ELAVL4: variants seen among roughly 807,000 people sequenced by gnomAD.
The protein encoded by ELAVL4 is ELAV like RNA binding protein 4.
A neutral mutation model predicts 35.6 loss-of-function variants in ELAVL4; 1 was observed. The observed-to-expected ratio is 0.03, with a 90% confidence interval of 0.01 to 0.13. The LOEUF is 0.13. Among genes scored for constraint, ELAVL4 ranks in the 10% least tolerant of loss-of-function variants. ELAVL4 has a pLI of 1.00. For missense variants in ELAVL4, 267 were observed against 464.9 expected (o/e 0.57, Z 3.91); for synonymous variants, 156 against 171.0 (o/e 0.91, Z 0.69).
At chr1:50,184,913 T>G (rs1028543471) in intron 3 of ELAVL4, among the ~76,000 whole-genome samples, 1 of 152,204 alleles carries the variant, frequency 6.6e-6, no homozygotes, top group African/African-American at 2.4e-5. Flanking sequence ...TCCAGCATAG[T>G]AGCCACTAGC....
chr1:50,155,030 A>G (rs1176980407), intron 2 of ELAVL4, among the ~76,000 whole-genome samples: 1 of 151,720 alleles, frequency 6.6e-6, no homozygotes, highest in African/African-American at 2.4e-5. Flanking sequence ...TTTTTTTTTA[A>G]TTATTATTAT....
At chr1:50,134,498 A>G (rs1298451121) in intron 1 of ELAVL4, among the ~76,000 whole-genome samples, 1 of 152,132 alleles carries the variant, frequency 6.6e-6, no homozygotes, top group African/African-American at 2.4e-5. Flanking sequence ...AAACCTTCAG[A>G]GTTCAGAGGG....
chr1:50,089,885 G>A (rs1187716170), intron 1 of ELAVL4, among the ~76,000 whole-genome samples: 1 of 152,194 alleles, frequency 6.6e-6, no homozygotes, highest in Non-Finnish European at 1.5e-5. Context: ...AGTACAGTGG[G>A]AATACAGACG....
intron 2 of ELAVL4, among the ~76,000 whole-genome samples, chr1:50,145,442 T>C (rs1673535183): frequency 6.6e-6 from 1 of 152,200 alleles, no homozygotes; most frequent in African/African-American, 2.4e-5. Flanking sequence ...TTTGATTTTG[T>C]CTCCTTTTAT....
intron 1 of ELAVL4, among the ~76,000 whole-genome samples, chr1:50,080,613 G>C (rs1359057436): frequency 6.6e-6 from 1 of 152,114 alleles, no homozygotes; most frequent in Non-Finnish European, 1.5e-5. Flanking sequence ...TAAAGTCTTA[G>C]CAAAGCTCTT....
chr1:50,110,068 G>A (rs1010246442), intron 1 of ELAVL4: 12 of 1,392,560 alleles, frequency 8.6e-6, no homozygotes, highest in East Asian at 2.4e-5. Context: ...ACTGTGCATC[G>A]TAAATCACTG....
intron 1 of ELAVL4, among the ~76,000 whole-genome samples, chr1:50,092,680 TG>T (rs2148506453): frequency 6.6e-6 from 1 of 152,206 alleles, no homozygotes; most frequent in East Asian, 1.9e-4. Flanking sequence ...ACATTGTGAG[TG>T]CCAAGGGACT....
At chr1:50,063,820 C>A (rs575627969) in intron 1 of ELAVL4, among the ~76,000 whole-genome samples, 1 of 152,160 alleles carries the variant, frequency 6.6e-6, no homozygotes, top group African/African-American at 2.4e-5. Flanking sequence ...TCAGTTAGAA[C>A]CTCTTACTGG....
chr1:50,119,082 A>AAG, intron 1 of ELAVL4, among the ~76,000 whole-genome samples: 2 of 134,954 alleles, frequency 1.5e-5, no homozygotes, highest in Middle Eastern at 7.4e-3. Flanking sequence ...GAAAGAAAGA[A>AAG]AGAAAGAAAG....
chr1:50,107,095 G>T (rs1253653824), upstream of ELAVL4, among the ~76,000 whole-genome samples: 1 of 152,122 alleles, frequency 6.6e-6, no homozygotes, highest in East Asian at 1.9e-4. Context: ...TGCACTCAGA[G>T]TTTATGTTGT....
At chr1:50,072,447 C>T (rs900594876) in intron 1 of ELAVL4, among the ~76,000 whole-genome samples, 1 of 152,192 alleles carries the variant, frequency 6.6e-6, no homozygotes, top group Admixed American at 6.5e-5. Flanking sequence ...CACACAGCCC[C>T]GCTGGGCCTT....
chr1:50,141,516 A>C (rs1298712910), intron 1 of ELAVL4, among the ~76,000 whole-genome samples: 1 of 152,156 alleles, frequency 6.6e-6, no homozygotes, highest in Non-Finnish European at 1.5e-5. Flanking sequence ...CACTGCAAAG[A>C]CCCAGAAGGC....
In ELAVL4 at chr1:50,193,767, C is replaced by A. The variant is rs754521558; in HGVS notation, c.357C>A (p.Val119=). The change falls in exon 4 of 7, where the codon GTC becomes GTA. Residue 119 remains valine (V), a splice_region_variant and synonymous_variant. Transcript: ENST00000371824. Reference sequence around the variant, plus strand: ...TAGCTCCTCTTGCCTTTTCCTAGGTCTCATATGCCCGTCCGAGCTCTGCCT... The same window carrying A: ...TAGCTCCTCTTGCCTTTTCCTAGGTATCATATGCCCGTCCGAGCTCTGCCT... ...GLRLQTKTIK[V]SYARPSSASI... is the part of the protein sequence containing the mutation. 1.2e-6 allele frequency: 2 copies of A among 1,612,552 alleles called. No homozygotes were observed. Among genetic ancestry groups the A allele is most frequent in the Non-Finnish European group, 1.7e-6 (2 of 1,179,396 alleles).
chr1:50,190,136 G>C (rs148517019), intron 3 of ELAVL4, among the ~76,000 whole-genome samples: 33 of 152,318 alleles, frequency 2.2e-4, no homozygotes, highest in Non-Finnish European at 3.7e-4. Flanking sequence ...TGCTGGCCTA[G>C]AGATGCCAGT....
At chr1:50,196,975 T>C (rs1231835955) in intron 5 of ELAVL4, among the ~76,000 whole-genome samples, 1 of 152,188 alleles carries the variant, frequency 6.6e-6, no homozygotes, top group Non-Finnish European at 1.5e-5. Context: ...GTAAGATGAT[T>C]TAGTTAATGT....
intron 1 of ELAVL4, among the ~76,000 whole-genome samples, chr1:50,130,179 C>T (rs1055235095): frequency 2.6e-5 from 4 of 152,104 alleles, no homozygotes; most frequent in Non-Finnish European, 5.9e-5. Flanking sequence ...ACAGCAGATA[C>T]ACAGGCTAGT....
intron 1 of ELAVL4, among the ~76,000 whole-genome samples, chr1:50,098,300 C>A (rs535157784): frequency 6.6e-6 from 1 of 152,270 alleles, no homozygotes; most frequent in African/African-American, 2.4e-5. Flanking sequence ...ATATCAATAA[C>A]CCTTTTAAAA....
At chr1:50,141,160 G>C (rs1043842518) in intron 1 of ELAVL4, among the ~76,000 whole-genome samples, 4 of 152,272 alleles carry the variant, frequency 2.6e-5, no homozygotes, top group African/African-American at 9.6e-5. Context: ...AGATGAACCT[G>C]ACTATCAGGT....
intron 3 of ELAVL4, among the ~76,000 whole-genome samples, chr1:50,190,815 A>G (rs183897304): frequency 3.3e-5 from 5 of 152,290 alleles, no homozygotes; most frequent in South Asian, 2.1e-4. Flanking sequence ...GGTCATGACT[A>G]TCCATTATGC....
Sources: gnomAD v4.1 joint callset for allele counts (sites outside exome capture counted in the v4.1 genomes callset) on GRCh38, gnomAD v4.1.1 for gene constraint, MANE v1.5 for transcripts, NCBI Gene and HGNC (gene_info 2026-07-23, HGNC 2026-07-21) for gene names.